Variants in DLG2 observed in about 807,000 individuals in gnomAD.
The protein encoded by DLG2 is disks large homolog 2.
In DLG2, 45 loss-of-function variants were observed where a neutral mutation model predicts 132.5. The ratio of observed to expected loss-of-function variants is 0.34; its 90% CI spans 0.27 to 0.44. The LOEUF is 0.44. Among genes scored for constraint, DLG2 ranks in the 20% least tolerant of loss-of-function variants. The pLI is 1.00. For synonymous variants in DLG2, 424 were observed against 419.6 expected, an observed-to-expected ratio of 1.01 and a Z score of -0.13; for missense variants, 1,045 against 1,196.9, an observed-to-expected ratio of 0.87 and a Z score of 1.87.
At chr11:85,164,113 T>C (rs2152479778) in intron 4 of DLG2, among the ~76,000 whole-genome samples, 1 of 152,298 alleles carries the variant, frequency 6.6e-6, no homozygotes, top group East Asian at 1.9e-4. Flanking sequence ...TGCCTTGTTA[T>C]GCAGATCAAA....
chr11:85,258,326 G>A (rs557155437), intron 4 of DLG2, among the ~76,000 whole-genome samples: 3 of 152,172 alleles, frequency 2.0e-5, no homozygotes, highest in African/African-American at 7.2e-5. Context: ...TATTATATGT[G>A]TAATATTTAA....
intron 14 of DLG2, among the ~76,000 whole-genome samples, chr11:83,958,437 C>A (rs2087512891): frequency 1.3e-5 from 2 of 152,014 alleles, no homozygotes; most frequent in African/African-American, 4.8e-5. Flanking sequence ...GTAGAGGCAG[C>A]CAGAAAGACA....
intron 7 of DLG2, among the ~76,000 whole-genome samples, chr11:84,335,479 G>T (rs906517667): frequency 1.3e-5 from 2 of 152,184 alleles, no homozygotes; most frequent in East Asian, 3.8e-4. Flanking sequence ...AATACTGATT[G>T]ATCTCCAAGG....
At chr11:84,041,161 A>G (rs2096068331) in intron 11 of DLG2, among the ~76,000 whole-genome samples, 1 of 152,006 alleles carries the variant, frequency 6.6e-6, no homozygotes, top group African/African-American at 2.4e-5. Context: ...ATGGCATTAC[A>G]GTATACTATA....
intron 6 of DLG2, among the ~76,000 whole-genome samples, chr11:84,667,922 C>G (rs2153687431): frequency 6.6e-6 from 1 of 152,168 alleles, no homozygotes; most frequent in African/African-American, 2.4e-5. Context: ...AGTCATTATT[C>G]TGGATATATT....
At chr11:83,957,857 T>C (rs937705621) in intron 14 of DLG2, among the ~76,000 whole-genome samples, 2 of 152,162 alleles carry the variant, frequency 1.3e-5, no homozygotes, top group African/African-American at 2.4e-5. Flanking sequence ...ATCACCACTT[T>C]CTACTTTTTA....
chr11:85,559,859 G>GAGAT lies in DLG2; in HGVS notation c.40+38794_40+38797dup, dbSNP rs1555183866. On this transcript the variant is annotated intron_variant, in intron 3 of 27. Coordinates refer to ENST00000376104, the MANE Select transcript of DLG2 (RefSeq NM_001142699.3). Reference sequence around the variant, plus strand: ...AGATAGATAGATAGATAGATAGATAGAGATAAATATCCCTGGTGTAAAGTG... The same window carrying GAGAT: ...AGATAGATAGATAGATAGATAGATAGAGATAGATAAATATCCCTGGTGTAAAGTG... 7.4e-3 allele frequency among the ~76,000 whole-genome samples: 1,107 copies of GAGAT among 149,780 alleles called. 16 individuals carry two copies. Among genetic ancestry groups the GAGAT allele is most frequent in the African/African-American group, 0.026 (1,056 of 40,450 alleles).
At chr11:84,882,555 CT>C (rs759266947) in intron 6 of DLG2, among the ~76,000 whole-genome samples, 16 of 152,090 alleles carry the variant, frequency 1.1e-4, no homozygotes, top group Non-Finnish European at 1.3e-4. Flanking sequence ...CAGAGCGCCC[CT>C]GAGTCATGGA....
intron 3 of DLG2, among the ~76,000 whole-genome samples, chr11:85,512,160 G>T (rs1454057041): frequency 6.6e-6 from 1 of 152,008 alleles, no homozygotes; most frequent in Non-Finnish European, 1.5e-5. Flanking sequence ...AGGAGAAAGG[G>T]CATCAAATGA....
chr11:85,384,555 ATT>A (rs1212358794), intron 3 of DLG2, among the ~76,000 whole-genome samples: 1 of 151,966 alleles, frequency 6.6e-6, no homozygotes, highest in Non-Finnish European at 1.5e-5. Flanking sequence ...GTTACTAAAT[ATT>A]TTTTGTTTGT....
At chr11:83,496,790 C>T (rs1318126646) in intron 21 of DLG2, among the ~76,000 whole-genome samples, 1 of 152,076 alleles carries the variant, frequency 6.6e-6, no homozygotes, top group African/African-American at 2.4e-5. Flanking sequence ...GATGTCTAAT[C>T]CATATATTAT....
intron 6 of DLG2, among the ~76,000 whole-genome samples, chr11:84,754,250 A>G (rs2066560030): frequency 6.6e-6 from 1 of 152,248 alleles, no homozygotes; most frequent in South Asian, 2.1e-4. Context: ...CCAAAGCACT[A>G]TATAAATAAT....
intron 6 of DLG2, chr11:84,997,272 A>T (rs2154128889): frequency 6.6e-6 from 1 of 152,496 alleles, no homozygotes; most frequent in South Asian, 2.1e-4. Context: ...CTGGCTTGCA[A>T]AGCCACTCTT....
chr11:84,592,447 A>G (rs1209541148), intron 6 of DLG2, among the ~76,000 whole-genome samples: 1 of 152,176 alleles, frequency 6.6e-6, no homozygotes, highest in Non-Finnish European at 1.5e-5. Flanking sequence ...CAATGGCAAC[A>G]AAAACCGAAA....
At chr11:84,132,426 T>C (rs1246690727) in intron 9 of DLG2, among the ~76,000 whole-genome samples, 6 of 151,962 alleles carry the variant, frequency 3.9e-5, no homozygotes, top group East Asian at 3.9e-4. Flanking sequence ...CTCCCTATTA[T>C]AGTCTCCTCA....
At chr11:84,408,838 T>C (rs1296309792) in intron 7 of DLG2, among the ~76,000 whole-genome samples, 1 of 152,192 alleles carries the variant, frequency 6.6e-6, no homozygotes, top group Non-Finnish European at 1.5e-5. Context: ...TTTTCCCTTG[T>C]GCTGCTGTCT....
At chr11:85,417,680 T>A (rs866972915) in intron 3 of DLG2, among the ~76,000 whole-genome samples, 6 of 152,332 alleles carry the variant, frequency 3.9e-5, no homozygotes, top group Admixed American at 2.0e-4. Flanking sequence ...TGTGAGGGTG[T>A]ATGTGTCCAG....
intron 6 of DLG2, among the ~76,000 whole-genome samples, chr11:84,935,234 T>G (rs2048603014): frequency 6.6e-6 from 1 of 152,222 alleles, no homozygotes; most frequent in African/African-American, 2.4e-5. Context: ...AGAAATCACC[T>G]AAATGTTTTC....
At chr11:85,413,253 A>T (rs1188937198) in intron 3 of DLG2, among the ~76,000 whole-genome samples, 2 of 150,578 alleles carry the variant, frequency 1.3e-5, no homozygotes, top group African/African-American at 4.9e-5. Context: ...CTTTTTGATG[A>T]AATTGTTTTC....
Sources: gnomAD v4.1 joint callset for allele counts (sites outside exome capture counted in the v4.1 genomes callset) on GRCh38, gnomAD v4.1.1 for gene constraint, MANE v1.5 for transcripts, NCBI Gene and HGNC (gene_info 2026-07-23, HGNC 2026-07-21) for gene names.